The following GAB2 variants were observed in gnomAD, a reference collection of about 807,000 sequenced individuals.
GAB2 encodes the protein GRB2 associated binding protein 2.
A neutral mutation model predicts 65.5 loss-of-function variants in GAB2; 26 were observed. The ratio of observed to expected loss-of-function variants is 0.40; its 90% CI spans 0.29 to 0.55. GAB2 has a LOEUF of 0.55. GAB2 is among the 20% of genes least tolerant of loss of function. The pLI is 0.53. For missense variants in GAB2, 884 were observed against 875.8 expected (o/e 1.01, Z -0.12); for synonymous variants, 321 against 329.6 (o/e 0.97, Z 0.28).
intron 2 of GAB2, among the ~76,000 whole-genome samples, chr11:78,250,840 TA>T (rs1420276267): frequency 6.6e-6 from 1 of 152,142 alleles, no homozygotes; most frequent in African/African-American, 2.4e-5. Flanking sequence ...CCAAGTGAAT[TA>T]ATGCAGAAAC....
chr11:78,331,895 C>T (rs191723461), intron 1 of GAB2, among the ~76,000 whole-genome samples: 1 of 152,100 alleles, frequency 6.6e-6, no homozygotes, highest in African/African-American at 2.4e-5. Flanking sequence ...GGACACCATC[C>T]GGACCTCGTA....
intron 3 of GAB2, among the ~76,000 whole-genome samples, chr11:78,230,725 T>A (rs2510033): frequency 6.6e-6 from 1 of 152,298 alleles, no homozygotes; most frequent in Middle Eastern, 3.4e-3. Context: ...AACAAGGGAC[T>A]CTTGCCCAAA....
At chr11:78,272,226 G>T (rs1297269985) in intron 2 of GAB2, among the ~76,000 whole-genome samples, 2 of 152,222 alleles carry the variant, frequency 1.3e-5, no homozygotes, top group Non-Finnish European at 2.9e-5. Flanking sequence ...AAATATGGAA[G>T]TGACAGGAAC....
At chr11:78,286,638 G>A (rs1375886121) in intron 1 of GAB2, among the ~76,000 whole-genome samples, 3 of 140,410 alleles carry the variant, frequency 2.1e-5, no homozygotes, top group East Asian at 4.5e-4. Context: ...AAACTTATAC[G>A]TAAGCTTTCA....
chr11:78,406,198 T>TAC (rs1488825366), intron 1 of GAB2, among the ~76,000 whole-genome samples: 2 of 152,186 alleles, frequency 1.3e-5, no homozygotes, highest in East Asian at 3.8e-4. Flanking sequence ...TAATGAGGAC[T>TAC]ACCTTCCTAT....
At chr11:78,346,674 CATAT>C (rs71046967) in intron 1 of GAB2, among the ~76,000 whole-genome samples, 1,902 of 54,338 alleles carry the variant, frequency 0.035, 16 homozygotes, top group Non-Finnish European at 0.043. Flanking sequence ...ACATCCCCTC[CATAT>C]ATATATATAT....
At chr11:78,336,186 C>T (rs376180365) in intron 1 of GAB2, among the ~76,000 whole-genome samples, 3 of 151,620 alleles carry the variant, frequency 2.0e-5, no homozygotes, top group Non-Finnish European at 4.4e-5. Flanking sequence ...TAGTGGTGCA[C>T]GCCTGTAGTC....
chr11:78,220,454 G>A lies in GAB2; in HGVS notation c.1762-10C>T. 6.4e-7 allele frequency: 1 copy of A among 1,557,178 alleles called. No individual in the cohort carries two copies. The highest frequency in any genetic ancestry group is 8.7e-7 in the Non-Finnish European group (1 of 1,145,334). ...CAGACACTGGGTTTTGCTGTCACGA[G>A]GAGGAAAAAACTGTGAGTGACTGCA... is the stretch of plus-strand genomic sequence containing the variant. On this transcript the variant is annotated splice_polypyrimidine_tract_variant and intron_variant, in intron 8 of 9. Coordinates refer to ENST00000361507, the MANE Select transcript of GAB2 (RefSeq NM_080491.3).
At position 78,220,381 on chromosome 11, in the gene GAB2, T is replaced by C; in HGVS notation, c.1825A>G (p.Thr609Ala). Residue 609 changes from threonine to alanine, a missense_variant, in exon 9 of 10, where the codon ACC becomes GCC. Physicochemically the swap from Thr to Ala is moderately conservative, Grantham distance 58 (BLOSUM62 0). Transcript: ENST00000361507. ...AGGGCCAGATAATCAACGCTGCCGG[T>C]GCTCTTCTTAGGGGCAGGACTGTTC... is the stretch of plus-strand genomic sequence containing the variant. ...GTNSPAPKKS[T>A]GSVDYLALDF... 6.2e-7 allele frequency: 1 copy of C among 1,612,748 alleles called. No homozygotes were observed. Among genetic ancestry groups the C allele is most frequent in the African/African-American group, 1.3e-5 (1 of 74,968 alleles).
At chr11:78,266,364 T>C (rs1314378918) in intron 2 of GAB2, among the ~76,000 whole-genome samples, 1 of 152,014 alleles carries the variant, frequency 6.6e-6, no homozygotes, top group Non-Finnish European at 1.5e-5. Context: ...CAAACTGTGC[T>C]CCAGCCTTCC....
At chr11:78,239,040 T>C (rs1477965583) in intron 3 of GAB2, among the ~76,000 whole-genome samples, 1 of 151,280 alleles carries the variant, frequency 6.6e-6, no homozygotes, top group Non-Finnish European at 1.5e-5. Context: ...CCACTAATCA[T>C]TAGGGAAATA....
rs569604143 is a variant in GAB2, at chr11:78,289,737, G to A, written c.76-8836C>T. ...AGCATGAGAGAAAGCAAACATGCACGAGAGAGAAGGAGCAATGAACACAAA... is the reference window on the plus strand; with the variant it reads ...AGCATGAGAGAAAGCAAACATGCACAAGAGAGAAGGAGCAATGAACACAAA... On this transcript the variant is annotated intron_variant, in intron 1 of 9. Transcript: ENST00000361507. 5.3e-5 allele frequency among the ~76,000 whole-genome samples: 8 copies of A among 150,702 alleles called. No individual in the cohort carries two copies. The East Asian group carries it at 7.8e-4, about 15-fold the overall frequency.
intron 1 of GAB2, among the ~76,000 whole-genome samples, chr11:78,325,922 G>T (rs1017977352): frequency 6.6e-6 from 1 of 152,084 alleles, no homozygotes; most frequent in Non-Finnish European, 1.5e-5. Flanking sequence ...TTTAAACATT[G>T]TATTTTTTAA....
chr11:78,241,204 C>A (rs953817791), intron 3 of GAB2, among the ~76,000 whole-genome samples: 7 of 152,230 alleles, frequency 4.6e-5, no homozygotes, highest in African/African-American at 1.7e-4. Flanking sequence ...TGATGTTGAA[C>A]ATAGGCAAAG....
chr11:78,218,552 G>A lies in GAB2; in HGVS notation c.*720C>T. 1 of 153,178 alleles carries A rather than the reference G, an allele frequency of 6.5e-6. No individual in the cohort carries two copies. Among genetic ancestry groups the A allele is most frequent in the Non-Finnish European group, 1.5e-5 (1 of 68,656 alleles). 9.5% of individuals were successfully genotyped at this position (153,178 alleles called of 1,614,324 possible). A position where few individuals can be genotyped will look rare whatever the true frequency, so the allele number is the denominator to read the frequency against. ...CCCTGCTCCTTGCTGCTCTAGGTTG[G>A]CCATCAGTTTTCCCTTCCTTTTGTC... On this transcript the variant is annotated 3_prime_UTR_variant, in exon 10 of 10. Transcript: ENST00000361507.
chr11:78,239,410 AG>A (rs1865069354), intron 3 of GAB2, among the ~76,000 whole-genome samples: 1 of 152,070 alleles, frequency 6.6e-6, no homozygotes, highest in South Asian at 2.1e-4. Flanking sequence ...TAGTAGAGAC[AG>A]GGTTTTACCA....
chr11:78,253,004 C>CTTTTTTTTTTTTT (rs984989129), intron 2 of GAB2, among the ~76,000 whole-genome samples: 3 of 106,948 alleles, frequency 2.8e-5, no homozygotes, highest in African/African-American at 8.4e-5. Flanking sequence ...AATATCTTTC[C>CTTTTTTTTTTTTT]TTTTTTTTTT....
chr11:78,220,697 G>A (rs546063875), intron 8 of GAB2, among the ~76,000 whole-genome samples: 1 of 152,294 alleles, frequency 6.6e-6, no homozygotes, highest in East Asian at 1.9e-4. Flanking sequence ...GACTTTGCCT[G>A]TGGCTGCACA....
At chr11:78,315,148 G>A (rs865892493) in intron 1 of GAB2, among the ~76,000 whole-genome samples, 1 of 152,154 alleles carries the variant, frequency 6.6e-6, no homozygotes, top group South Asian at 2.1e-4. Context: ...GGGGGAGGAG[G>A]TCTCTGAGTG....
Sources: gnomAD v4.1 joint callset for allele counts (sites outside exome capture counted in the v4.1 genomes callset) on GRCh38, gnomAD v4.1.1 for gene constraint, MANE v1.5 for transcripts, NCBI Gene and HGNC (gene_info 2026-07-23, HGNC 2026-07-21) for gene names.